DCLRE1A: variants seen among roughly 807,000 people sequenced by gnomAD.
The protein encoded by DCLRE1A is DNA cross-link repair 1A protein.
In DCLRE1A, 64 loss-of-function variants were observed where a neutral mutation model predicts 91.9. That is an observed-to-expected ratio of 0.70 (90% CI 0.57 to 0.86). DCLRE1A has a LOEUF of 0.86. Ranked by LOEUF, DCLRE1A falls within the 40% of genes least tolerant of loss-of-function variation. The probability of loss-of-function intolerance (pLI) is 0.00; values close to 1 mark genes in which losing one functional copy is unlikely to be tolerated. For missense variants in DCLRE1A, 1,145 were observed against 1,213.3 expected, an observed-to-expected ratio of 0.94 and a Z score of 0.84; for synonymous variants, 416 against 431.1, an observed-to-expected ratio of 0.96 and a Z score of 0.43.
intron 2 of DCLRE1A, among the ~76,000 whole-genome samples, chr10:113,848,722 G>A (rs574056877): frequency 2.0e-4 from 30 of 152,050 alleles, no homozygotes; most frequent in Non-Finnish European, 3.8e-4. Context: ...TCTTTCTATA[G>A]CCCGTAATAT....
At chr10:113,837,361 G>GA (rs1009272057) in intron 7 of DCLRE1A, among the ~76,000 whole-genome samples, 158 bp from the exon 8 acceptor site, 1 of 149,698 alleles carries the variant, frequency 6.7e-6, no homozygotes, top group East Asian at 1.9e-4. Context: ...AATAATCACT[G>GA]AAAAAAAAAT....
chr10:113,841,514 T>C lies in DCLRE1A; in HGVS notation c.2712A>G (p.Lys904=), dbSNP rs761943987. The C allele has an allele frequency of 6.2e-7, 1 of 1,613,082 alleles. No individual in the cohort carries two copies. The highest frequency in any genetic ancestry group is 8.5e-7 in the Non-Finnish European group (1 of 1,179,544). ...TATTGAGGCACTGTAGAGTTTTATA[T>C]TTTTCCTGGGACATGCCCACTTTTG... is the stretch of plus-strand genomic sequence containing the variant. ...LGSKVGMSQE[K]YKTLQCLNIP... The change falls in exon 7 of 9, where the codon AAA becomes AAG. Residue 904 remains lysine (K), a synonymous_variant. Coordinates refer to ENST00000361384, the MANE Select transcript of DCLRE1A (RefSeq NM_014881.5).
rs979845938 is a variant in DCLRE1A, at chr10:113,835,041, C to T, written c.*111G>A. The T allele has an allele frequency of 3.6e-6, 4 of 1,097,262 alleles. No homozygotes were observed. The African/African-American group carries it at 6.3e-5, about 17-fold the overall frequency. 68.0% of individuals were successfully genotyped at this position (1,097,262 alleles called of 1,614,324 possible). A position where few individuals can be genotyped will look rare whatever the true frequency, so the allele number is the denominator to read the frequency against. ...TAAATGAGAAAATAAAGTATCTGAA[C>T]AATCTTCATGAGGTTTTTCCACACA... On this transcript the variant is annotated 3_prime_UTR_variant, in exon 9 of 9. Transcript: ENST00000361384.
In DCLRE1A at chr10:113,845,764, C is replaced by T; in HGVS notation, c.2299G>A (p.Glu767Lys). ...NLLKNKLHVQ[E>K]QYIHPLPLDT... The stretch of plus-strand genomic sequence containing the variant: ...AGTGGCAATGGGTGAATATATTGTT[C>T]TTGCACATGAAGCTTGTTCTTCAAC... The change falls in exon 4 of 9, where the codon GAA (glutamate) becomes AAA (lysine). Residue 767 changes from glutamate to lysine, a missense_variant. Transcript: ENST00000361384. The T allele has an allele frequency of 1.2e-6, 2 of 1,614,122 alleles. No homozygotes were observed. Among genetic ancestry groups the T allele is most frequent in the Non-Finnish European group, 1.7e-6 (2 of 1,180,012 alleles).
intron 7 of DCLRE1A, among the ~76,000 whole-genome samples, chr10:113,839,899 T>TA (rs17228828): frequency 0.06 from 9,197 of 152,242 alleles, 364 homozygotes; most frequent in Middle Eastern, 0.12. Context: ...AATATAGATT[T>TA]AATGACTCCA....
intron 8 of DCLRE1A, among the ~76,000 whole-genome samples, chr10:113,836,804 A>C (rs971399740): frequency 4.6e-5 from 7 of 152,308 alleles, no homozygotes; most frequent in African/African-American, 9.6e-5. Context: ...CTTTCAAGTT[A>C]ATTCTGCGAT....
chr10:113,837,917 T>A (rs1396357939), intron 7 of DCLRE1A, among the ~76,000 whole-genome samples: 2 of 152,084 alleles, frequency 1.3e-5, no homozygotes, highest in African/African-American at 2.4e-5. Context: ...CAAATAATAA[T>A]GGCACGAGGG....
chr10:113,850,157 C>A lies in DCLRE1A; in HGVS notation c.948G>T (p.Pro316=), dbSNP rs760137335. Residue 316 remains proline (P), a synonymous_variant, in exon 2 of 9, where the codon CCG becomes CCT. Coordinates refer to ENST00000361384, the MANE Select transcript of DCLRE1A (RefSeq NM_014881.5). The part of the protein sequence containing the change: ...DEDTHDIDEK[P]DDSQEQLFFT... ...AAAACAGTTGTTCTTGTGAATCATC[C>A]GGTTTTTCATCGATATCATGAGTGT... 6.2e-7 allele frequency: 1 copy of A among 1,614,060 alleles called. No homozygotes were observed. The highest frequency in any genetic ancestry group is 1.6e-4 in the Middle Eastern group (1 of 6,062).
Position 113,835,160 on chromosome 10 carries a change from C to G in DCLRE1A, c.3115G>C (p.Gly1039Arg), listed in dbSNP as rs1845343071. The G allele has an allele frequency of 1.2e-6, 2 of 1,613,244 alleles. No individual in the cohort carries two copies. The highest frequency in any genetic ancestry group is 8.5e-7 in the Non-Finnish European group (1 of 1,179,790). Residue 1039 changes from glycine (G) to arginine (R), a missense_variant, in exon 9 of 9, where the codon GGA (glycine) becomes CGA (arginine). Physicochemically the swap from Gly to Arg is moderately radical, Grantham distance 125. Coordinates refer to ENST00000361384, the MANE Select transcript of DCLRE1A (RefSeq NM_014881.5). ...KYFREWKLEA[G>R]Y ...AATCCTCGGAGGTATCATCAATATC[C>G]AGCTTCCAATTTCCACTCTCTAAAA...
intron 7 of DCLRE1A, among the ~76,000 whole-genome samples, chr10:113,837,733 T>A (rs372245953): frequency 1.1e-4 from 16 of 152,318 alleles, no homozygotes; most frequent in African/African-American, 3.6e-4. Flanking sequence ...TGAACTAGAT[T>A]TATTTTAAAA....
chr10:113,842,235 T>A, intron 6 of DCLRE1A, 108 bp downstream of exon 6: 1 of 969,314 alleles, frequency 1.0e-6, no homozygotes, highest in Non-Finnish European at 1.4e-6. Flanking sequence ...ATTGAATCAT[T>A]ACAGGAAATA....
At position 113,852,747 on chromosome 10, in the gene DCLRE1A, C is replaced by A. The variant is rs778882928; in HGVS notation, c.436G>T (p.Asp146Tyr). 3 of 1,614,058 alleles carry A rather than the reference C, an allele frequency of 1.9e-6. No homozygotes were observed. The highest frequency in any genetic ancestry group is 3.3e-5 in the Admixed American group (2 of 60,016). The change falls in exon 1 of 9, where the codon GAT (aspartate) becomes TAT (tyrosine). Residue 146 changes from aspartate to tyrosine, a missense_variant. Coordinates refer to ENST00000361384, the MANE Select transcript of DCLRE1A (RefSeq NM_014881.5). ...TPRWHVFECL[D>Y]SPPRSETECP... ...CCTGTTTCAGAGCGTGGTGGAGAATCCAAACATTCAAAAACATGCCATCGA... is the reference window on the plus strand; with the variant it reads ...CCTGTTTCAGAGCGTGGTGGAGAATACAAACATTCAAAAACATGCCATCGA...
At position 113,844,240 on chromosome 10, in the gene DCLRE1A, G is replaced by C; in HGVS notation, c.2383C>G (p.Pro795Ala). ...TAAAAGAGGATCATGACAGCACCTG[G>C]ACAGCTGAACACAAATGTCAAAGGA... ...KVVLLDANHC[P>A]GAVMILFYLP... is the part of the protein sequence containing the mutation. The change falls in exon 5 of 9, where the codon CCA (proline) becomes GCA (alanine). Residue 795 changes from proline to alanine, a missense_variant. Transcript: ENST00000361384. The C allele has an allele frequency of 6.2e-7, 1 of 1,613,862 alleles. No homozygotes were observed. Among genetic ancestry groups the C allele is most frequent in the Non-Finnish European group, 8.5e-7 (1 of 1,179,942 alleles).
Position 113,850,299 on chromosome 10 carries a change from T to C in DCLRE1A, c.806A>G (p.Lys269Arg). ...AAGACGCAAAGCAACTCCCACTAGT[T>C]TGTCATTCTCAACAAAATCTGTAAA... is the stretch of plus-strand genomic sequence containing the variant. ...LQFTDFVEND[K>R]LVGVALRLAN... Residue 269 changes from lysine (K) to arginine (R), a missense_variant, in exon 2 of 9, where the codon AAA (lysine) becomes AGA (arginine). Coordinates refer to ENST00000361384, the MANE Select transcript of DCLRE1A (RefSeq NM_014881.5). The C allele has an allele frequency of 6.2e-7, 1 of 1,614,214 alleles. No individual in the cohort carries two copies. The highest frequency in any genetic ancestry group is 8.5e-7 in the Non-Finnish European group (1 of 1,180,036).
intron 2 of DCLRE1A, 88 bp downstream of exon 2, chr10:113,848,892 T>C (rs559074376): frequency 6.2e-6 from 7 of 1,135,604 alleles, no homozygotes; most frequent in South Asian, 1.6e-5. Flanking sequence ...AATTGTCTCA[T>C]ACACACACAC....
At chr10:113,843,658 T>C (rs1448331445) in intron 5 of DCLRE1A, among the ~76,000 whole-genome samples, 1 of 152,272 alleles carries the variant, frequency 6.6e-6, no homozygotes, top group Admixed American at 6.5e-5. Flanking sequence ...ATTATATTTA[T>C]AGCACTCAGG....
In DCLRE1A at chr10:113,849,478, T is replaced by G; in HGVS notation, c.1627A>C (p.Lys543Gln). Residue 543 changes from lysine to glutamine, a missense_variant, in exon 2 of 9, where the codon AAG becomes CAG. Lys to Gln is a moderately conservative substitution (Grantham distance 53). Transcript: ENST00000361384. ...KYLKILPSGL[K>Q]YNARHPSTKV... ...GTAGAAGGATGTCTTGCATTATACT[T>G]AAGACCAGAAGGCAATATTTTCAAA... 1 of 1,614,104 alleles carries G rather than the reference T, an allele frequency of 6.2e-7. No individual in the cohort carries two copies. The highest frequency in any genetic ancestry group is 8.5e-7 in the Non-Finnish European group (1 of 1,180,024).
At position 113,852,734 on chromosome 10, in the gene DCLRE1A, C is replaced by A. The variant is rs768514726; in HGVS notation, c.449G>T (p.Arg150Leu). The part of the protein sequence containing the change: ...HVFECLDSPP[R>L]SETECPDGLL... ...TTCTGCAGTCTTACCTGTTTCAGAG[C>A]GTGGTGGAGAATCCAAACATTCAAA... Residue 150 changes from arginine to leucine, a missense_variant, in exon 1 of 9, where the codon CGC becomes CTC. By Grantham distance (102) the Arg-to-Leu change is moderately radical. Coordinates refer to ENST00000361384, the MANE Select transcript of DCLRE1A (RefSeq NM_014881.5). 6.8e-6 allele frequency: 11 copies of A among 1,613,132 alleles called. No individual in the cohort carries two copies. The highest frequency in any genetic ancestry group is 3.3e-5 in the Admixed American group (2 of 59,878).
chr10:113,842,354 T>C lies in DCLRE1A; in HGVS notation c.2654A>G (p.Lys885Arg). 1 of 1,613,092 alleles carries C rather than the reference T, an allele frequency of 6.2e-7. No individual in the cohort carries two copies. The highest frequency in any genetic ancestry group is 2.2e-5 in the East Asian group (1 of 44,866). ...VCGTYSIGKE[K>R]VFLAIADVLG... is the part of the protein sequence containing the mutation. ...CACCTACAACTCACCTAGGAAGACT[T>C]TCTCTTTTCCAATAGAGTAAGTGCC... The change falls in exon 6 of 9, where the codon AAA becomes AGA. Residue 885 changes from lysine to arginine, a missense_variant. Coordinates refer to ENST00000361384, the MANE Select transcript of DCLRE1A (RefSeq NM_014881.5).
Sources: gnomAD v4.1 joint callset for allele counts (sites outside exome capture counted in the v4.1 genomes callset) on GRCh38, gnomAD v4.1.1 for gene constraint, MANE v1.5 for transcripts, NCBI Gene and HGNC (gene_info 2026-07-23, HGNC 2026-07-21) for gene names.